The following RASAL2 variants were observed in gnomAD, a reference collection of about 807,000 sequenced individuals.
RASAL2 encodes the protein RAS protein activator like 2.
In RASAL2, 58 loss-of-function variants were observed where a neutral mutation model predicts 128.9. The observed-to-expected ratio is 0.45, with a 90% CI of 0.36 to 0.56. The LOEUF (loss-of-function observed/expected upper bound fraction) is 0.56. Ranked by LOEUF, RASAL2 falls within the 20% of genes least tolerant of loss-of-function variation. The pLI, the probability that RASAL2 is intolerant of heterozygous loss-of-function variation, is 0.00. For missense variants in RASAL2, 1,360 were observed against 1,601.6 expected, an observed-to-expected ratio of 0.85 and a Z score of 2.57; for synonymous variants, 561 against 580.8, an observed-to-expected ratio of 0.97 and a Z score of 0.49.
chr1:178,196,775 G>A (rs1384388372), intron 1 of RASAL2, among the ~76,000 whole-genome samples: 1 of 152,178 alleles, frequency 6.6e-6, no homozygotes, highest in African/African-American at 2.4e-5. Context: ...GACTTCAAGT[G>A]AGACCTCATA....
chr1:178,143,042 T>C (rs1028598277), intron 1 of RASAL2, among the ~76,000 whole-genome samples: 1 of 151,936 alleles, frequency 6.6e-6, no homozygotes, highest in African/African-American at 2.4e-5. Context: ...GTCTGCTTGA[T>C]AGTTTTGAAA....
In RASAL2 at chr1:178,477,525, G is replaced by A. The variant is rs969351012; in HGVS notation, c.*4286G>A. ...GTGAAAGAACCTGAGGAAGAGACAC[G>A]ACCCTAAGGGAATGAATGCATAAGC... On this transcript the variant is annotated 3_prime_UTR_variant, in exon 18 of 18. Transcript: ENST00000367649. The A allele has an allele frequency of 2.0e-5, 3 of 152,148 alleles. No individual in the cohort carries two copies. The highest frequency in any genetic ancestry group is 7.2e-5 in the African/African-American group (3 of 41,434). 9.4% of individuals were successfully genotyped at this position (152,148 alleles called of 1,614,324 possible).
intron 1 of RASAL2, among the ~76,000 whole-genome samples, chr1:178,194,053 T>G (rs1662579187): frequency 6.6e-6 from 1 of 152,170 alleles, no homozygotes; most frequent in Non-Finnish European, 1.5e-5. Flanking sequence ...TTGTACACAT[T>G]TATTTGTCAA....
chr1:178,094,810 A>ACTTTTTGTTCTGGGGGTG, intron 1 of RASAL2, 116 bp downstream of exon 1: 2 of 1,274,446 alleles, frequency 1.6e-6, no homozygotes, highest in Non-Finnish European at 2.2e-6. Flanking sequence ...TCAGTTTCCC[A>ACTTTTTGTTCTGGGGGTG]CATCCCTTTT....
chr1:178,338,427 G>A lies in RASAL2; in HGVS notation c.457+38309G>A, dbSNP rs551576636. On this transcript the variant is annotated intron_variant, in intron 3 of 17. Transcript: ENST00000367649. ...TTACAGGCGTGAGCCACCGTGCCGG[G>A]CCTGGTTTCAGAATTTCTTAATGGC... is the stretch of plus-strand genomic sequence containing the variant. Among the ~76,000 whole-genome samples the A allele has an allele frequency of 4.6e-5, 7 of 152,300 alleles. No homozygotes were observed. In the South Asian group the frequency reaches 1.5e-3, roughly 32 times the overall value.
chr1:178,412,282 A>G (rs906120555), intron 4 of RASAL2, among the ~76,000 whole-genome samples: 4 of 152,154 alleles, frequency 2.6e-5, no homozygotes, highest in African/African-American at 9.7e-5. Context: ...AAGAATGCTA[A>G]ATCAAGATGG....
intron 5 of RASAL2, among the ~76,000 whole-genome samples, chr1:178,434,818 A>C (rs1240804132): frequency 6.6e-6 from 1 of 152,042 alleles, no homozygotes; most frequent in Non-Finnish European, 1.5e-5. Context: ...TGCACTTTCA[A>C]ATGGCAAACA....
intron 5 of RASAL2, among the ~76,000 whole-genome samples, chr1:178,433,225 C>T (rs1194362842): frequency 6.6e-6 from 1 of 152,028 alleles, no homozygotes; most frequent in Non-Finnish European, 1.5e-5. Context: ...GATCTCCACA[C>T]CTGCATATAG....
At chr1:178,470,744 T>C (rs1236941920) in intron 17 of RASAL2, 3 of 1,364,170 alleles carry the variant, frequency 2.2e-6, no homozygotes, top group Middle Eastern at 4.2e-4. Flanking sequence ...CCCGCGTCCG[T>C]TCTCTAGCTG....
chr1:178,178,597 CT>C (rs957266419), intron 1 of RASAL2, among the ~76,000 whole-genome samples: 3 of 152,066 alleles, frequency 2.0e-5, no homozygotes, highest in African/African-American at 7.2e-5. Flanking sequence ...ACTAAGTTAC[CT>C]ATATGTATGA....
rs1411872433 is a variant in RASAL2, at chr1:178,467,361, G to A, written c.3618G>A (p.Lys1206=). ...TAATGGCTGTGGAAGAGGAACTGAA[G>A]AAGGATCATGCTGAGATGCAAGCAG... ...SRLMAVEEEL[K]KDHAEMQAVI... Residue 1206 remains lysine, a synonymous_variant, in exon 17 of 18, where the codon AAG becomes AAA. Transcript: ENST00000367649. 1 of 1,614,024 alleles carries A rather than the reference G, an allele frequency of 6.2e-7. No homozygotes were observed. The highest frequency in any genetic ancestry group is 1.3e-5 in the African/African-American group (1 of 74,930).
chr1:178,387,838 G>T (rs1388985495), intron 3 of RASAL2, among the ~76,000 whole-genome samples: 1 of 152,166 alleles, frequency 6.6e-6, no homozygotes, highest in Non-Finnish European at 1.5e-5. Flanking sequence ...AGTTTGAAAT[G>T]TGGCCACTAA....
chr1:178,347,205 G>A (rs1670196557), intron 3 of RASAL2, among the ~76,000 whole-genome samples: 1 of 152,110 alleles, frequency 6.6e-6, no homozygotes, highest in Non-Finnish European at 1.5e-5. Context: ...TTGCCATAAA[G>A]TGCTGTGATT....
intron 4 of RASAL2, among the ~76,000 whole-genome samples, chr1:178,403,744 C>G (rs1002638821): frequency 3.3e-5 from 5 of 152,028 alleles, no homozygotes; most frequent in Non-Finnish European, 7.4e-5. Context: ...GATGAATTCT[C>G]TAACCTTAAT....
chr1:178,257,538 T>C (rs1665428755), intron 1 of RASAL2, among the ~76,000 whole-genome samples: 1 of 151,992 alleles, frequency 6.6e-6, no homozygotes, highest in African/African-American at 2.4e-5. Context: ...GTATAATAAC[T>C]TTATAAAAAT....
At position 178,161,646 on chromosome 1, in the gene RASAL2, G is replaced by A. The variant is rs538967379; in HGVS notation, c.202+66952G>A. Among the ~76,000 whole-genome samples, 239 of 152,210 alleles carry A rather than the reference G, an allele frequency of 1.6e-3. 1 individual carries two copies. The highest frequency in any genetic ancestry group is 5.4e-3 in the African/African-American group (224 of 41,528). ...ATATGCCTAGGAATGAAATGTCTGG[G>A]TCACATGGTAACTCTGAGCTTAACA... is the stretch of plus-strand genomic sequence containing the variant. On this transcript the variant is annotated intron_variant, in intron 1 of 17. Coordinates refer to ENST00000367649, the MANE Select transcript of RASAL2 (RefSeq NM_170692.4).
chr1:178,145,570 A>AAAAG (rs10690864), intron 1 of RASAL2, among the ~76,000 whole-genome samples: 1 of 149,868 alleles, frequency 6.7e-6, no homozygotes, highest in Non-Finnish European at 1.5e-5. Context: ...AAAAAAAAAA[A>AAAAG]GGGGGAGTAT....
In RASAL2 at chr1:178,186,639, C is replaced by A. The variant is rs528042847; in HGVS notation, c.202+91945C>A. Among the ~76,000 whole-genome samples the A allele has an allele frequency of 3.3e-5, 5 of 152,088 alleles. No individual in the cohort carries two copies. In the East Asian group the frequency reaches 9.7e-4, roughly 29 times the overall value. ...TTTGTTCCCCTGCATGTAATACTTA[C>A]CCTCCTCTGGCTGTTATTATTATTT... On this transcript the variant is annotated intron_variant, in intron 1 of 17. Transcript: ENST00000367649.
chr1:178,145,650 A>C (rs1390528129), intron 1 of RASAL2, among the ~76,000 whole-genome samples: 1 of 151,994 alleles, frequency 6.6e-6, no homozygotes, highest in Non-Finnish European at 1.5e-5. Flanking sequence ...ATAGAAGTTT[A>C]TGAAAGAAGA....
Sources: allele counts gnomAD v4.1 joint callset (sites outside exome capture counted in the v4.1 genomes callset), GRCh38; gene constraint gnomAD v4.1.1; transcripts MANE v1.5; gene names NCBI Gene and HGNC (gene_info 2026-07-23, HGNC 2026-07-21).